The following PRDM6 variants were observed in gnomAD, a reference collection of about 807,000 sequenced individuals.
The protein encoded by PRDM6 is putative histone-lysine N-methyltransferase PRDM6.
Under a neutral mutation model 60.8 loss-of-function variants are expected in PRDM6, and 25 were observed. The ratio of observed to expected loss-of-function variants is 0.41; its 90% confidence interval spans 0.30 to 0.57. The LOEUF is 0.57. Ranked by LOEUF, PRDM6 falls within the 20% of genes least tolerant of loss-of-function variation. The pLI, the probability that PRDM6 is intolerant of heterozygous loss-of-function variation, is 0.27. For synonymous variants in PRDM6, 407 were observed against 357.4 expected (o/e 1.14, Z -1.57); for missense variants, 839 against 821.3 (o/e 1.02, Z -0.26).
At chr5:123,173,418 A>T (rs1404409590) in intron 6 of PRDM6, 3 of 167,018 alleles carry the variant, frequency 1.8e-5, no homozygotes, top group Non-Finnish European at 4.4e-5. Flanking sequence ...CTGTCTTATC[A>T]TGGACCCTGA....
chr5:123,162,572 G>C (rs572048871), intron 5 of PRDM6, among the ~76,000 whole-genome samples: 1 of 152,210 alleles, frequency 6.6e-6, no homozygotes, highest in East Asian at 1.9e-4. Flanking sequence ...TGTAGACTCA[G>C]TAGGAAAACT....
intron 5 of PRDM6, among the ~76,000 whole-genome samples, chr5:123,161,731 T>C (rs1345342733): frequency 6.6e-6 from 1 of 152,230 alleles, no homozygotes; most frequent in Non-Finnish European, 1.5e-5. Context: ...GAAGACCTTG[T>C]AGGGCCCTAG....
rs954881885 is a variant in PRDM6 at position 123,172,682 on chromosome 5, C to A, written c.1496+1574C>A. Among the ~76,000 whole-genome samples, 4 of 152,066 alleles carry A rather than the reference C, an allele frequency of 2.6e-5. No homozygotes were observed. The South Asian group carries it at 6.2e-4, about 24-fold the overall frequency. ...ATAGAGTGAATTCAGATGGTTGGATCTATTATTTGCAAAGGTTCATTATAG... is the reference window on the plus strand; with the variant it reads ...ATAGAGTGAATTCAGATGGTTGGATATATTATTTGCAAAGGTTCATTATAG... On this transcript the variant is annotated intron_variant, in intron 6 of 7. Coordinates refer to ENST00000407847, the MANE Select transcript of PRDM6 (RefSeq NM_001136239.4).
chr5:123,125,953 G>A (rs1405049219), intron 3 of PRDM6, among the ~76,000 whole-genome samples: 1 of 151,952 alleles, frequency 6.6e-6, no homozygotes, highest in Non-Finnish European at 1.5e-5. Flanking sequence ...AACTTTATAG[G>A]GTCTTTTTCC....
chr5:123,091,705 T>C (rs1016846922), intron 2 of PRDM6, among the ~76,000 whole-genome samples: 2 of 152,270 alleles, frequency 1.3e-5, no homozygotes, highest in African/African-American at 4.8e-5. Context: ...GAGCGTCAGA[T>C]TGAAAGCAAT....
chr5:123,167,256 T>G (rs2126881243), intron 5 of PRDM6, among the ~76,000 whole-genome samples: 1 of 152,294 alleles, frequency 6.6e-6, no homozygotes, highest in African/African-American at 2.4e-5. Flanking sequence ...ATCTTATTTC[T>G]TCTACCAAAC....
intron 3 of PRDM6, among the ~76,000 whole-genome samples, chr5:123,141,210 T>C (rs1392980765): frequency 2.0e-5 from 3 of 151,944 alleles, no homozygotes; most frequent in Non-Finnish European, 2.9e-5. Flanking sequence ...CTTTAAAATA[T>C]TATTTTAACT....
chr5:123,090,287 C>CTCCGCCTCG lies in PRDM6; in HGVS notation c.281_282insGTCCGCCTC (p.Ala93_Ser95dup). On this transcript the variant is annotated inframe_insertion, in exon 2 of 8. Coordinates refer to ENST00000407847, the MANE Select transcript of PRDM6 (RefSeq NM_001136239.4). ...CGGCTTCCTCTTCCACCTCCGCCTC[C>CTCCGCCTCG]TCCGCCTCCTCCTGCGCTGCTGCGG... 1 of 1,490,996 alleles carries CTCCGCCTCG rather than the reference C, an allele frequency of 6.7e-7. No homozygotes were observed. Among genetic ancestry groups the CTCCGCCTCG allele is most frequent in the Non-Finnish European group, 8.9e-7 (1 of 1,121,868 alleles). 92.4% of individuals were successfully genotyped at this position (1,490,996 alleles called of 1,614,324 possible). A position where few individuals can be genotyped will look rare whatever the true frequency, so the allele number is the denominator to read the frequency against.
chr5:123,164,718 C>T (rs569613858), intron 5 of PRDM6, among the ~76,000 whole-genome samples: 14 of 152,190 alleles, frequency 9.2e-5, no homozygotes, highest in African/African-American at 1.7e-4. Flanking sequence ...TGACTTTTTG[C>T]GTGCTGTAGG....
intron 3 of PRDM6, among the ~76,000 whole-genome samples, chr5:123,130,246 T>C (rs1400013159): frequency 9.9e-5 from 5 of 50,760 alleles, no homozygotes; most frequent in African/African-American, 8.5e-5. Flanking sequence ...CTTCCCTTCC[T>C]CTCCCCTTCC....
At chr5:123,108,546 G>A (rs1424766292) in intron 3 of PRDM6, among the ~76,000 whole-genome samples, 1 of 152,114 alleles carries the variant, frequency 6.6e-6, no homozygotes, top group Non-Finnish European at 1.5e-5. Context: ...TACACAAATA[G>A]TTTCTGGGGA....
chr5:123,160,992 T>G (rs1433021815), intron 5 of PRDM6, among the ~76,000 whole-genome samples: 1 of 152,172 alleles, frequency 6.6e-6, no homozygotes, highest in Non-Finnish European at 1.5e-5. Flanking sequence ...AACTAGATCT[T>G]TATCTATGCA....
At chr5:123,134,963 C>G (rs533528938) in intron 3 of PRDM6, among the ~76,000 whole-genome samples, 1 of 147,780 alleles carries the variant, frequency 6.8e-6, no homozygotes, top group Non-Finnish European at 1.5e-5. Context: ...CAGATCTTAT[C>G]AAAACAATGC....
chr5:123,122,221 A>G (rs1764598335), intron 3 of PRDM6, among the ~76,000 whole-genome samples: 2 of 151,702 alleles, frequency 1.3e-5, no homozygotes, highest in Middle Eastern at 3.4e-3. Flanking sequence ...CTGCTGAATC[A>G]GAATCATCAG....
In PRDM6 at chr5:123,188,660, C is replaced by G. The variant is rs565965292; in HGVS notation, c.*1459C>G. The G allele has an allele frequency of 1.5e-4, 23 of 152,302 alleles. No homozygotes were observed. The highest frequency in any genetic ancestry group is 5.3e-4 in the African/African-American group (22 of 41,560). 9.4% of individuals were successfully genotyped at this position (152,302 alleles called of 1,614,324 possible). On this transcript the variant is annotated 3_prime_UTR_variant, in exon 8 of 8. Coordinates refer to ENST00000407847, the MANE Select transcript of PRDM6 (RefSeq NM_001136239.4). The stretch of plus-strand genomic sequence containing the variant: ...TCATCACCTGATATCAGGACACAGT[C>G]TTTTAAGGAACTCCTTGTCTTTGAG...
chr5:123,099,580 T>G lies in PRDM6; in HGVS notation c.593-74T>G. 7.5e-7 allele frequency: 1 copy of G among 1,340,182 alleles called. No homozygotes were observed. The highest frequency in any genetic ancestry group is 9.8e-7 in the Non-Finnish European group (1 of 1,019,362). 83.0% of individuals were successfully genotyped at this position (1,340,182 alleles called of 1,614,324 possible). On this transcript the variant is annotated intron_variant, in intron 2 of 7. Coordinates refer to ENST00000407847, the MANE Select transcript of PRDM6 (RefSeq NM_001136239.4). This position sits in a 1 kb window ranked among gnomAD's most constrained non-coding sequence, Gnocchi z 4.0. ...GCGGTGATGCTGTTGTCTCGGGAGT[T>G]TACTCAAAGATGGGCCGCTCGGGGC...
intron 3 of PRDM6, among the ~76,000 whole-genome samples, chr5:123,149,930 CCT>C (rs1278862214): frequency 5.0e-4 from 76 of 152,236 alleles, no homozygotes; most frequent in African/African-American, 1.5e-3. Flanking sequence ...GCACTCCTGC[CCT>C]CAGTGAGTTT....
At chr5:123,117,464 A>T (rs1426871583) in intron 3 of PRDM6, among the ~76,000 whole-genome samples, 1 of 152,082 alleles carries the variant, frequency 6.6e-6, no homozygotes, top group East Asian at 1.9e-4. Context: ...AACTCTGTTT[A>T]GTGGCCTGGC....
intron 3 of PRDM6, among the ~76,000 whole-genome samples, chr5:123,132,424 C>T (rs552864385): frequency 7.3e-5 from 11 of 150,434 alleles, no homozygotes; most frequent in African/African-American, 2.7e-4. Context: ...GTGTGTGTTT[C>T]CTCTTTCTAA....
Sources: gnomAD v4.1 joint callset for allele counts (sites outside exome capture counted in the v4.1 genomes callset) on GRCh38, gnomAD v4.1.1 for gene constraint, Gnocchi (gnomAD v3.1) non-coding constraint, MANE v1.5 for transcripts, NCBI Gene and HGNC (gene_info 2026-07-23, HGNC 2026-07-21) for gene names.